Variants in CDRT4 observed in about 807,000 individuals in gnomAD.
The protein encoded by CDRT4 is CMT1A duplicated region transcript 4 protein.
For synonymous variants in CDRT4, 64 were observed against 69.6 expected, an observed-to-expected ratio of 0.92 and a Z score of 0.40; for missense variants, 167 against 193.1, an observed-to-expected ratio of 0.87 and a Z score of 0.80.
intron 2 of CDRT4, among the ~76,000 whole-genome samples, chr17:15,448,214 G>A (rs1163578519): frequency 6.6e-6 from 1 of 152,134 alleles, no homozygotes; most frequent in Non-Finnish European, 1.5e-5. Flanking sequence ...TTTTGAAGAA[G>A]GTGACTTGCA....
chr17:15,445,157 G>A (rs980920733), intron 2 of CDRT4, among the ~76,000 whole-genome samples: 1 of 152,192 alleles, frequency 6.6e-6, no homozygotes, highest in Non-Finnish European at 1.5e-5. Context: ...ACATAGTCAT[G>A]ATGAGTGGAT....
intron 1 of CDRT4, among the ~76,000 whole-genome samples, chr17:15,460,082 G>C (rs1366769256): frequency 1.3e-5 from 2 of 152,084 alleles, no homozygotes; most frequent in Non-Finnish European, 2.9e-5. Context: ...GCTCTTCCCT[G>C]AACTGCACGC....
chr17:15,438,343 T>C, intron 3 of CDRT4, 143 bp from the exon 4 acceptor site: 2 of 710,736 alleles, frequency 2.8e-6, no homozygotes, highest in Non-Finnish European at 4.6e-6. Context: ...TAAAATCCAA[T>C]TCAAAGTGGG....
At chr17:15,453,936 A>G (rs1013597254) in intron 1 of CDRT4, among the ~76,000 whole-genome samples, 2 of 152,212 alleles carry the variant, frequency 1.3e-5, no homozygotes, top group Admixed American at 1.3e-4. Context: ...GGCAGAGGGC[A>G]CAGGGCACAG....
chr17:15,462,719 A>C (rs776521812), intron 1 of CDRT4, among the ~76,000 whole-genome samples: 12 of 152,184 alleles, frequency 7.9e-5, no homozygotes, highest in Non-Finnish European at 1.5e-4. Flanking sequence ...AAGTTCAAAA[A>C]CAGGCAAAAT....
Position 15,455,249 on chromosome 17 carries a change from GC to G in CDRT4, c.-129-2165del, listed in dbSNP as rs1306737362. 2.6e-5 allele frequency among the ~76,000 whole-genome samples: 4 copies of G among 152,192 alleles called. No individual in the cohort carries two copies. In the East Asian group the frequency reaches 7.7e-4, roughly 29 times the overall value. On this transcript the variant is annotated intron_variant, in intron 1 of 3. Coordinates refer to ENST00000619038, the MANE Select transcript of CDRT4 (RefSeq NM_001204477.2). ...ATAGCTTAGAAACTCAGAATTTTTTGCCCCTGAGAAGTCTCTAGATGCTATG... is the reference window on the plus strand; with the variant it reads ...ATAGCTTAGAAACTCAGAATTTTTTGCCCTGAGAAGTCTCTAGATGCTATG...
intron 2 of CDRT4, among the ~76,000 whole-genome samples, chr17:15,442,197 G>A (rs562522415): frequency 7.6e-4 from 115 of 152,224 alleles, no homozygotes; most frequent in African/African-American, 2.5e-3. Flanking sequence ...GATCACCTGA[G>A]GTTGGGAGTT....
In CDRT4 at chr17:15,437,923, G is replaced by T. The variant is rs34381006; in HGVS notation, c.309C>A (p.Gly103=). ...TLSESTLSMW[G]AYSVLAMAPT... ...GAGCCATGGCCAATACCGAATAAGC[G>T]CCCCACATTGATAACGTGGATTCTG... Residue 103 remains glycine (G), a synonymous_variant, in exon 4 of 4, where the codon GGC becomes GGA. Transcript: ENST00000619038. 2 of 1,614,110 alleles carry T rather than the reference G, an allele frequency of 1.2e-6. No individual in the cohort carries two copies. The highest frequency in any genetic ancestry group is 1.7e-6 in the Non-Finnish European group (2 of 1,180,026).
chr17:15,459,046 G>T (rs1979618616), intron 1 of CDRT4, among the ~76,000 whole-genome samples: 1 of 152,154 alleles, frequency 6.6e-6, no homozygotes, highest in Non-Finnish European at 1.5e-5. Context: ...GATTTGCCTT[G>T]GGGAGGTCAC....
intron 2 of CDRT4, among the ~76,000 whole-genome samples, chr17:15,449,790 T>A (rs1473609244): frequency 6.6e-6 from 1 of 152,248 alleles, no homozygotes; most frequent in Non-Finnish European, 1.5e-5. Context: ...TACCTCCCAG[T>A]CATAAGTGAG....
chr17:15,450,653 A>G lies in CDRT4; in HGVS notation c.-48+2351T>C, dbSNP rs142517547. 4.6e-5 allele frequency among the ~76,000 whole-genome samples: 7 copies of G among 151,992 alleles called. No homozygotes were observed. The highest frequency in any genetic ancestry group is 1.7e-4 in the African/African-American group (7 of 41,430). ...GCTCTACATCTCATCAATTTGCCAC[A>G]TCTAACTAGACTGACTTCTTTCCCA... On this transcript the variant is annotated intron_variant, in intron 2 of 3. Coordinates refer to ENST00000619038, the MANE Select transcript of CDRT4 (RefSeq NM_001204477.2). This position sits in a 1 kb window ranked among gnomAD's most constrained non-coding sequence, Gnocchi z 4.2.
intron 1 of CDRT4, among the ~76,000 whole-genome samples, chr17:15,459,613 T>A (rs2150798224): frequency 6.6e-6 from 1 of 151,496 alleles, no homozygotes; most frequent in East Asian, 1.9e-4. Flanking sequence ...CCTGGCTAAT[T>A]TTTTTTGTAT....
chr17:15,439,195 T>C (rs1567608013), intron 3 of CDRT4: 1 of 455,840 alleles, frequency 2.2e-6, no homozygotes, highest in East Asian at 7.0e-5. Flanking sequence ...ATTCTATATT[T>C]CTTTGGTCAT....
intron 1 of CDRT4, among the ~76,000 whole-genome samples, chr17:15,457,997 ATTTCC>A (rs1412196782): frequency 6.6e-6 from 1 of 152,118 alleles, no homozygotes; most frequent in Non-Finnish European, 1.5e-5. Context: ...AGACTTTTCC[ATTTCC>A]TTTGCCTCCC....
chr17:15,444,289 GA>G (rs543458851), intron 2 of CDRT4: 17 of 482,630 alleles, frequency 3.5e-5, no homozygotes, highest in East Asian at 7.1e-5. Context: ...TATTGATTTG[GA>G]AAAAAAATGT....
At chr17:15,462,964 A>G (rs1188357754) in intron 1 of CDRT4, among the ~76,000 whole-genome samples, 5 of 152,120 alleles carry the variant, frequency 3.3e-5, no homozygotes, top group African/African-American at 4.8e-5. Context: ...TTCATATTTC[A>G]AATTTGTTTT....
At chr17:15,457,700 T>A (rs950695075) in intron 1 of CDRT4, among the ~76,000 whole-genome samples, 2 of 152,108 alleles carry the variant, frequency 1.3e-5, no homozygotes, top group African/African-American at 4.8e-5. Flanking sequence ...GCCAGCAGGG[T>A]CTGAGCTCAG....
intron 1 of CDRT4, among the ~76,000 whole-genome samples, chr17:15,465,336 AAC>A (rs991366384): frequency 6.7e-6 from 1 of 148,292 alleles, no homozygotes. Context: ...AGACATGCAC[AAC>A]ACAGACACAT....
intron 1 of CDRT4, among the ~76,000 whole-genome samples, chr17:15,462,511 A>G (rs1979804358): frequency 6.6e-6 from 1 of 151,046 alleles, no homozygotes; most frequent in South Asian, 2.1e-4. Flanking sequence ...GCTGGGTCCT[A>G]TGGGGAAACA....
Sources: allele counts gnomAD v4.1 joint callset (sites outside exome capture counted in the v4.1 genomes callset), GRCh38; gene constraint gnomAD v4.1.1; non-coding constraint Gnocchi (gnomAD v3.1); transcripts MANE v1.5; gene names NCBI Gene and HGNC (gene_info 2026-07-23, HGNC 2026-07-21).